The following ZC2HC1A variants were observed in gnomAD, a reference collection of about 807,000 sequenced individuals.
ZC2HC1A encodes the protein zinc finger C2HC-type containing 1A, also known as zinc finger C2HC domain-containing protein 1A.
ZC2HC1A carries 28 observed loss-of-function variants against 40.7 expected under a neutral mutation model. The observed-to-expected ratio is 0.69, with a 90% CI of 0.51 to 0.94. ZC2HC1A has a LOEUF of 0.94. Among genes scored for constraint, ZC2HC1A ranks in the 40% least tolerant of loss-of-function variants. The pLI is 0.00. For synonymous variants in ZC2HC1A, 129 were observed against 129.2 expected (o/e 1.00, Z 0.01); for missense variants, 389 against 386.3 (o/e 1.01, Z -0.06).
intron 8 of ZC2HC1A, among the ~76,000 whole-genome samples, chr8:78,716,251 T>C (rs1255149209): frequency 6.6e-6 from 1 of 151,240 alleles, no homozygotes; most frequent in African/African-American, 2.4e-5. Flanking sequence ...GCCTCCCGAG[T>C]AGCTGGGACT....
chr8:78,690,539 G>A (rs1249356143), intron 5 of ZC2HC1A, among the ~76,000 whole-genome samples: 3 of 147,960 alleles, frequency 2.0e-5, no homozygotes, highest in Admixed American at 6.8e-5. Context: ...CAGCTTGGGC[G>A]ACAGAGCAAG....
chr8:78,680,200 G>A (rs140275622), intron 3 of ZC2HC1A, among the ~76,000 whole-genome samples: 1 of 146,258 alleles, frequency 6.8e-6, no homozygotes, highest in Admixed American at 7.2e-5. Context: ...ATAAGGAATT[G>A]GGGTTGTAAA....
intron 4 of ZC2HC1A, among the ~76,000 whole-genome samples, chr8:78,687,702 TTATA>T (rs67618117): frequency 4.2e-5 from 2 of 47,788 alleles, no homozygotes; most frequent in African/African-American, 1.3e-4. Context: ...ACGTAATACA[TTATA>T]TATATATTTA....
chr8:78,669,327 A>G (rs1372416687), intron 1 of ZC2HC1A, among the ~76,000 whole-genome samples: 1 of 142,700 alleles, frequency 7.0e-6, no homozygotes, highest in Non-Finnish European at 1.5e-5. Context: ...GAGCTATTAA[A>G]TATGTAACTA....
At chr8:78,668,348 T>C (rs1809358422) in intron 1 of ZC2HC1A, among the ~76,000 whole-genome samples, 1 of 152,202 alleles carries the variant, frequency 6.6e-6, no homozygotes, top group Non-Finnish European at 1.5e-5. Context: ...AATATTATAT[T>C]GCAGTATCCA....
intron 5 of ZC2HC1A, among the ~76,000 whole-genome samples, chr8:78,696,525 C>T (rs1810420340): frequency 6.6e-6 from 1 of 152,046 alleles, no homozygotes; most frequent in African/African-American, 2.4e-5. Context: ...AGCAGGTGAT[C>T]AGTAAGATAC....
At chr8:78,712,370 T>C (rs2953477) in intron 7 of ZC2HC1A, among the ~76,000 whole-genome samples, 100,843 of 151,894 alleles carry the variant, frequency 0.66, 34,836 homozygotes, top group East Asian at 0.9. Flanking sequence ...CAGTCACATT[T>C]AATAATTATT....
intron 4 of ZC2HC1A, among the ~76,000 whole-genome samples, chr8:78,688,741 A>G (rs1002618732): frequency 2.0e-5 from 3 of 152,130 alleles, no homozygotes; most frequent in African/African-American, 7.2e-5. Context: ...TTAAGAGAAA[A>G]TAGCACTTTA....
chr8:78,682,692 C>T (rs1235157311), intron 3 of ZC2HC1A, among the ~76,000 whole-genome samples: 1 of 152,180 alleles, frequency 6.6e-6, no homozygotes, highest in Non-Finnish European at 1.5e-5. Context: ...TTCATGCCCT[C>T]ACATTTCAAA....
At chr8:78,700,613 G>T (rs1050683813) in intron 7 of ZC2HC1A, among the ~76,000 whole-genome samples, 3 of 152,016 alleles carry the variant, frequency 2.0e-5, no homozygotes, top group Admixed American at 6.6e-5. Flanking sequence ...TGGCTAGGTT[G>T]TCTTCCAGGG....
intron 5 of ZC2HC1A, among the ~76,000 whole-genome samples, chr8:78,693,051 G>A (rs1283782136): frequency 6.6e-6 from 1 of 151,926 alleles, no homozygotes; most frequent in Admixed American, 6.6e-5. Flanking sequence ...TCCCTACAAA[G>A]GACATGAACT....
At chr8:78,697,326 G>T in intron 5 of ZC2HC1A, 81 bp from the exon 6 acceptor site, 1 of 1,144,968 alleles carries the variant, frequency 8.7e-7, no homozygotes, top group Non-Finnish European at 1.2e-6. Context: ...TAAACCCAAA[G>T]AATGTTAAGT....
chr8:78,706,065 C>T (rs1391866225), intron 7 of ZC2HC1A, among the ~76,000 whole-genome samples: 2 of 152,152 alleles, frequency 1.3e-5, no homozygotes, highest in Non-Finnish European at 2.9e-5. Flanking sequence ...GCTGGGGAAT[C>T]CTCTCTGCCT....
intron 4 of ZC2HC1A, among the ~76,000 whole-genome samples, chr8:78,688,210 C>G (rs1023181291): frequency 2.0e-5 from 3 of 151,880 alleles, no homozygotes; most frequent in African/African-American, 7.2e-5. Flanking sequence ...TGAGTTTTCT[C>G]TCTGCTTTGA....
At chr8:78,678,017 G>T (rs575255618) in intron 2 of ZC2HC1A, among the ~76,000 whole-genome samples, 1 of 152,244 alleles carries the variant, frequency 6.6e-6, no homozygotes, top group Non-Finnish European at 1.5e-5. Context: ...CTGTCATGGC[G>T]CTGGTGGGAG....
chr8:78,706,880 GA>G (rs929752672), intron 7 of ZC2HC1A, among the ~76,000 whole-genome samples: 8 of 150,242 alleles, frequency 5.3e-5, no homozygotes, highest in Admixed American at 2.0e-4. Context: ...TATAGAAAAG[GA>G]AAAAAAAATC....
intron 5 of ZC2HC1A, among the ~76,000 whole-genome samples, chr8:78,690,443 C>G (rs938286827): frequency 1.3e-5 from 2 of 151,842 alleles, no homozygotes; most frequent in African/African-American, 4.8e-5. Context: ...GCCTGTAGTC[C>G]CAGCTACTTG....
At chr8:78,686,734 T>G in intron 4 of ZC2HC1A, 126 bp downstream of exon 4, 1 of 1,081,774 alleles carries the variant, frequency 9.2e-7, no homozygotes, top group Non-Finnish European at 1.2e-6. Flanking sequence ...TCTTTAAAAT[T>G]TGGTGTAAAA....
At chr8:78,694,289 T>G (rs1480052246) in intron 5 of ZC2HC1A, among the ~76,000 whole-genome samples, 2 of 149,632 alleles carry the variant, frequency 1.3e-5, no homozygotes, top group African/African-American at 4.9e-5. Flanking sequence ...GTTCCTTGTT[T>G]TTTTTTTTTT....
Sources: gnomAD v4.1 joint callset for allele counts (sites outside exome capture counted in the v4.1 genomes callset) on GRCh38, gnomAD v4.1.1 for gene constraint, MANE v1.5 for transcripts, NCBI Gene and HGNC (gene_info 2026-07-23, HGNC 2026-07-21) for gene names.